Variants in EVA1B observed in about 807,000 individuals in gnomAD.
EVA1B encodes the protein protein eva-1 homolog B.
A neutral mutation model predicts 4.6 loss-of-function variants in EVA1B; 2 were observed. That is an observed-to-expected ratio of 0.43 (90% CI 0.18 to 1.37). The LOEUF is 1.37. EVA1B is among the 40% of genes most tolerant of loss of function. EVA1B has a pLI of 0.28. For missense variants in EVA1B, 263 were observed against 240.4 expected (o/e 1.09, Z -0.62); for synonymous variants, 124 against 115.8 (o/e 1.07, Z -0.46).
chr1:36,322,500 G>C lies in EVA1B; in HGVS notation c.293C>G (p.Pro98Arg). 1.2e-6 allele frequency: 2 copies of C among 1,602,738 alleles called. No homozygotes were observed. The highest frequency in any genetic ancestry group is 2.2e-5 in the East Asian group (1 of 44,798). Residue 98 changes from proline (P) to arginine (R), a missense_variant, in exon 3 of 3, where the codon CCC becomes CGC. By Grantham distance (103) the Pro-to-Arg change is moderately radical. Transcript: ENST00000490466. The stretch of plus-strand genomic sequence containing the variant: ...CCCGTCCGGCTCTGCGGACAGCTCG[G>C]GGCCCGGCAGCGTGTCGTCGGGGCC... ...RLGPDDTLPGPELSAEPDGPL... is the reference protein window; with the variant it reads ...RLGPDDTLPGRELSAEPDGPL...
Position 36,322,451 on chromosome 1 carries a change from C to T in EVA1B, c.342G>A (p.Thr114=). The T allele has an allele frequency of 6.2e-7, 1 of 1,604,720 alleles. No individual in the cohort carries two copies. Among genetic ancestry groups the T allele is most frequent in the Non-Finnish European group, 8.5e-7 (1 of 1,179,370 alleles). ...GCGCCCGCTCCAGCTCCTCCGCCGA[C>T]GTGAAGACGTTGACGTTGAGGGGCC... ...PDGPLNVNVF[T]SAEELERAQR... is the part of the protein sequence containing the mutation. Residue 114 remains threonine (T), a synonymous_variant, in exon 3 of 3, where the codon ACG becomes ACA. Coordinates refer to ENST00000490466, the MANE Select transcript of EVA1B (RefSeq NM_001304762.2).
In EVA1B at chr1:36,322,547, CTCGTCCTCGTCG is replaced by C. The variant is rs1557490540; in HGVS notation, c.234_245del (p.Asp78_Asp81del). 2.5e-6 allele frequency: 4 copies of C among 1,597,652 alleles called. 1 individual carries two copies. The South Asian group carries it at 4.4e-5, about 18-fold the overall frequency. On this transcript the variant is annotated inframe_deletion, in exon 3 of 3. Transcript: ENST00000490466. Reference sequence around the variant, plus strand: ...GGCCCAGCCGAGTCACCGTGTCCTCCTCGTCCTCGTCGTCGTCCTCGGGCTCCAGGGTGCTGC... The same window carrying C: ...GGCCCAGCCGAGTCACCGTGTCCTCCTCGTCCTCGGGCTCCAGGGTGCTGC...
chr1:36,322,839 G>A lies in EVA1B; in HGVS notation c.68-114C>T. 24 of 1,488,094 alleles carry A rather than the reference G, an allele frequency of 1.6e-5. No individual in the cohort carries two copies. The South Asian group carries it at 2.8e-4, about 18-fold the overall frequency. 92.2% of individuals were successfully genotyped at this position (1,488,094 alleles called of 1,614,324 possible). On this transcript the variant is annotated intron_variant, in intron 2 of 2. Coordinates refer to ENST00000490466, the MANE Select transcript of EVA1B (RefSeq NM_001304762.2). ...GCGAGGCCTGTAACCCCTACTCGAA[G>A]GGCATTAGGGAACCGCCAGCGGGCA...
In EVA1B at chr1:36,322,708, C is replaced by G. The variant is rs1342125930; in HGVS notation, c.85G>C (p.Gly29Arg). The G allele has an allele frequency of 2.6e-6, 4 of 1,546,836 alleles. No individual in the cohort carries two copies. The highest frequency in any genetic ancestry group is 1.2e-5 in the South Asian group (1 of 83,996). ...AHIRANPESF[G>R]LYFVLGVCFG... Reference sequence around the variant, plus strand: ...CAGACGCCCAGCACGAAGTAGAGGCCGAAGCTCTCGGGGTTGGCTGCGGGG... The same window carrying G: ...CAGACGCCCAGCACGAAGTAGAGGCGGAAGCTCTCGGGGTTGGCTGCGGGG... Residue 29 changes from glycine (G) to arginine (R), a missense_variant, in exon 3 of 3, where the codon GGC (glycine) becomes CGC (arginine). Transcript: ENST00000490466.
rs1426190066 is a variant in EVA1B, at chr1:36,322,600, G to T, written c.193C>A (p.Arg65Ser). Reference protein sequence around the residue: ...PRPRPRGPAQRRDPRSSTLEP... With the variant: ...PRPRPRGPAQSRDPRSSTLEP... The stretch of plus-strand genomic sequence containing the variant: ...AGGGTGCTGCTGCGGGGGTCCCGGC[G>T]CTGAGCCGGGCCCCGGGGCCGCGGG... The change falls in exon 3 of 3, where the codon CGC becomes AGC. Residue 65 changes from arginine to serine, a missense_variant. Coordinates refer to ENST00000490466, the MANE Select transcript of EVA1B (RefSeq NM_001304762.2). 5 of 1,556,514 alleles carry T rather than the reference G, an allele frequency of 3.2e-6. No homozygotes were observed. The highest frequency in any genetic ancestry group is 2.6e-6 in the Non-Finnish European group (3 of 1,154,968).
rs1482799764 is a variant in EVA1B, at chr1:36,322,241, A to G, written c.*54T>C. 7.0e-6 allele frequency: 10 copies of G among 1,436,800 alleles called. No homozygotes were observed. The highest frequency in any genetic ancestry group is 9.1e-6 in the Non-Finnish European group (10 of 1,099,056). The allele number at this position is 1,436,800 out of a possible 1,614,324, so 89.0% of individuals were successfully genotyped here. On this transcript the variant is annotated 3_prime_UTR_variant, in exon 3 of 3. Coordinates refer to ENST00000490466, the MANE Select transcript of EVA1B (RefSeq NM_001304762.2). ...AGTCCGAAGGTGTGGGGTAGCTCTGAGCTCATGTGCAGGTCCGGTACCCCG... is the reference window on the plus strand; with the variant it reads ...AGTCCGAAGGTGTGGGGTAGCTCTGGGCTCATGTGCAGGTCCGGTACCCCG...
rs1646473393 is a variant in EVA1B, at chr1:36,322,130, G to C, written c.*165C>G. On this transcript the variant is annotated 3_prime_UTR_variant, in exon 3 of 3. Coordinates refer to ENST00000490466, the MANE Select transcript of EVA1B (RefSeq NM_001304762.2). ...CATGCTGCCCCCTCCCCGCCCCCGG[G>C]GTCTTCTGGCAGGACTGGGGAAGGG... 1 of 1,353,486 alleles carries C rather than the reference G, an allele frequency of 7.4e-7. No homozygotes were observed. Among genetic ancestry groups the C allele is most frequent in the African/African-American group, 1.5e-5 (1 of 64,904 alleles). The allele number at this position is 1,353,486 out of a possible 1,614,324, so 83.8% of individuals were successfully genotyped here.
At position 36,323,017 on chromosome 1, in the gene EVA1B, G is replaced by C; in HGVS notation, c.21C>G (p.Asp7Glu). 6.2e-7 allele frequency: 1 copy of C among 1,600,192 alleles called. No individual in the cohort carries two copies. Among genetic ancestry groups the C allele is most frequent in the Non-Finnish European group, 8.5e-7 (1 of 1,176,160 alleles). ...CCAGGCTGTTGCTGAGCAACTCCAT[G>C]TCCCTTCGCGGGGCATCCATGCTGC... is the stretch of plus-strand genomic sequence containing the variant. MDAPRRDMELLSNSLAA... is the reference protein window; with the variant it reads MDAPRREMELLSNSLAA... The change falls in exon 2 of 3, where the codon GAC becomes GAG. Residue 7 changes from aspartate (D) to glutamate (E), a missense_variant. Transcript: ENST00000490466.
rs1646474792 is a variant in EVA1B, at chr1:36,322,204, G to C, written c.*91C>G. The C allele has an allele frequency of 7.2e-7, 1 of 1,386,882 alleles. No individual in the cohort carries two copies. The allele number at this position is 1,386,882 out of a possible 1,614,324, so 85.9% of individuals were successfully genotyped here. On this transcript the variant is annotated 3_prime_UTR_variant, in exon 3 of 3. Coordinates refer to ENST00000490466, the MANE Select transcript of EVA1B (RefSeq NM_001304762.2). ...ACGCCCAGTAGCACCTGGGAGCTGT[G>C]GGGGCCGAGGCAGTCCGAAGGTGTG...
Position 36,323,644 on chromosome 1 carries a change from A to G in EVA1B, c.-216T>C, listed in dbSNP as rs1224707488. ...GGCGGAAAGTTTCCTCCGAGGAAAG[A>G]GGAGGGACGGGGCGGGGCGGGGCGG... On this transcript the variant is annotated 5_prime_UTR_variant, in exon 1 of 3. Coordinates refer to ENST00000490466, the MANE Select transcript of EVA1B (RefSeq NM_001304762.2). 3 of 151,548 alleles carry G rather than the reference A, an allele frequency of 2.0e-5. No homozygotes were observed. The highest frequency in any genetic ancestry group is 4.4e-5 in the Non-Finnish European group (3 of 67,812). The allele number at this position is 151,548 out of a possible 1,614,324, so 9.4% of individuals were successfully genotyped here.
chr1:36,322,058 G>C lies in EVA1B; in HGVS notation c.*237C>G. 1 of 1,321,102 alleles carries C rather than the reference G, an allele frequency of 7.6e-7. No individual in the cohort carries two copies. The highest frequency in any genetic ancestry group is 1.5e-5 in the African/African-American group (1 of 64,824). 81.8% of individuals were successfully genotyped at this position (1,321,102 alleles called of 1,614,324 possible). On this transcript the variant is annotated 3_prime_UTR_variant, in exon 3 of 3. Coordinates refer to ENST00000490466, the MANE Select transcript of EVA1B (RefSeq NM_001304762.2). The stretch of plus-strand genomic sequence containing the variant: ...CTGAGAATGCAGCTTTCTTTCATTT[G>C]GTCACTTCACCTCTTCATCGACCCC...
rs1203961674 is a variant in EVA1B, at chr1:36,323,033, T to A, written c.5A>T (p.Asp2Val). 3 of 1,599,416 alleles carry A rather than the reference T, an allele frequency of 1.9e-6. No homozygotes were observed. Among genetic ancestry groups the A allele is most frequent in the Non-Finnish European group, 8.5e-7 (1 of 1,175,912 alleles). Residue 2 changes from aspartate to valine, a missense_variant, in exon 2 of 3, where the codon GAT (aspartate) becomes GTT (valine). By Grantham distance (152) the Asp-to-Val change is radical. Transcript: ENST00000490466. ...CAACTCCATGTCCCTTCGCGGGGCATCCATGCTGCTCTGGGGGGCAGCTCC... is the reference window on the plus strand; with the variant it reads ...CAACTCCATGTCCCTTCGCGGGGCAACCATGCTGCTCTGGGGGGCAGCTCC... Reference protein sequence around the residue: MDAPRRDMELLS... With the variant: MVAPRRDMELLS...
rs1646493866 is a variant in EVA1B, at chr1:36,322,982, G to T, written c.56C>A (p.Ala19Glu). Residue 19 changes from alanine (A) to glutamate (E), a missense_variant, in exon 2 of 3, where the codon GCG (alanine) becomes GAG (glutamate). Physicochemically the swap from Ala to Glu is moderately radical, Grantham distance 107. Transcript: ENST00000490466. ...GCGCCCGCCCTCACCGCGGATGTGC[G>T]CGTAGGCAGCCAGGCTGTTGCTGAG... ...ELLSNSLAAY[A>E]HIRANPESFG... is the part of the protein sequence containing the mutation. The T allele has an allele frequency of 6.2e-7, 1 of 1,606,080 alleles. No individual in the cohort carries two copies. The highest frequency in any genetic ancestry group is 1.3e-5 in the African/African-American group (1 of 74,358).
At position 36,322,495 on chromosome 1, in the gene EVA1B, G is replaced by A; in HGVS notation, c.298C>T (p.Leu100=). The A allele has an allele frequency of 6.2e-7, 1 of 1,603,276 alleles. No individual in the cohort carries two copies. Among genetic ancestry groups the A allele is most frequent in the Admixed American group, 1.7e-5 (1 of 59,894 alleles). The change falls in exon 3 of 3, where the codon CTG becomes TTG. Residue 100 remains leucine, a synonymous_variant. Transcript: ENST00000490466. The stretch of plus-strand genomic sequence containing the variant: ...AGGGGCCCGTCCGGCTCTGCGGACA[G>A]CTCGGGGCCCGGCAGCGTGTCGTCG... The part of the protein sequence containing the change: ...GPDDTLPGPE[L]SAEPDGPLNV...
At chr1:36,322,756 G>A in intron 2 of EVA1B, 31 bp from the exon 3 acceptor site, 2 of 1,538,506 alleles carry the variant, frequency 1.3e-6, no homozygotes, top group African/African-American at 1.4e-5. Context: ...GTCACGGAGA[G>A]GCCCGGACGG....
Position 36,322,371 on chromosome 1 carries a change from G to C in EVA1B, c.422C>G (p.Pro141Arg). 1.9e-6 allele frequency: 3 copies of C among 1,590,884 alleles called. No individual in the cohort carries two copies. The highest frequency in any genetic ancestry group is 2.6e-6 in the Non-Finnish European group (3 of 1,176,110). The change falls in exon 3 of 3, where the codon CCG becomes CGG. Residue 141 changes from proline to arginine, a missense_variant. By Grantham distance (103) the Pro-to-Arg change is moderately radical. Coordinates refer to ENST00000490466, the MANE Select transcript of EVA1B (RefSeq NM_001304762.2). ...CAGCGTGCCTGTGCCCAGCAGGTCC[G>C]GCTGCCCGGTGCGCCAGATCTCCCG... ...ILREIWRTGQ[P>R]DLLGTGTLGP...
chr1:36,322,797 A>G (rs1000965000), intron 2 of EVA1B, 72 bp from the exon 3 acceptor site: 5 of 1,505,120 alleles, frequency 3.3e-6, no homozygotes, highest in Non-Finnish European at 3.6e-6. Context: ...GAAAGACCCC[A>G]GGTTCTAGGT....
chr1:36,322,772 G>T, intron 2 of EVA1B, 47 bp from the exon 3 acceptor site: 1 of 1,528,572 alleles, frequency 6.5e-7, no homozygotes, highest in East Asian at 2.4e-5. Context: ...GACGGGTGGG[G>T]GTTGTCCCAC....
chr1:36,323,995 T>G (rs1646514584), upstream of EVA1B: 1 of 152,234 alleles, frequency 6.6e-6, no homozygotes. Context: ...ACCGTCAGGA[T>G]TTGAATCTGC....
Sources: gnomAD v4.1 joint callset for allele counts on GRCh38, gnomAD v4.1.1 for gene constraint, MANE v1.5 for transcripts, NCBI Gene and HGNC (gene_info 2026-07-23, HGNC 2026-07-21) for gene names.